The following NOVA1 variants were observed in gnomAD, a reference collection of about 807,000 sequenced individuals.
The protein encoded by NOVA1 is RNA-binding protein Nova-1.
Under a neutral mutation model 38.0 loss-of-function variants are expected in NOVA1, and 7 were observed. The ratio of observed to expected loss-of-function variants is 0.18; its 90% CI spans 0.10 to 0.35. The LOEUF (loss-of-function observed/expected upper bound fraction) is 0.35. Ranked by LOEUF, NOVA1 falls within the 10% of genes least tolerant of loss-of-function variation. NOVA1 has a pLI of 1.00. For synonymous variants in NOVA1, 270 were observed against 232.5 expected (o/e 1.16, Z -1.47); for missense variants, 460 against 616.0 (o/e 0.75, Z 2.68).
At chr14:26,529,049 C>T (rs929795443) in intron 2 of NOVA1, among the ~76,000 whole-genome samples, 4 of 151,942 alleles carry the variant, frequency 2.6e-5, no homozygotes, top group African/African-American at 4.8e-5. Flanking sequence ...CAAGTACACC[C>T]GATCACCCTA....
At chr14:26,546,916 G>T (rs376539591) in intron 2 of NOVA1, among the ~76,000 whole-genome samples, 2 of 152,272 alleles carry the variant, frequency 1.3e-5, no homozygotes, top group East Asian at 3.9e-4. Context: ...CTACTCAGGA[G>T]GCTGAGGCAG....
chr14:26,490,607 C>A (rs187638971), intron 2 of NOVA1, among the ~76,000 whole-genome samples: 1 of 152,280 alleles, frequency 6.6e-6, no homozygotes, highest in East Asian at 1.9e-4. Context: ...CATTTTTGCA[C>A]GTGCTTACTG....
intron 2 of NOVA1, among the ~76,000 whole-genome samples, chr14:26,546,799 C>T (rs1353343690): frequency 6.6e-6 from 1 of 152,148 alleles, no homozygotes; most frequent in Non-Finnish European, 1.5e-5. Context: ...ATGGGAGGAT[C>T]ACGAGGTCAG....
At chr14:26,462,515 TATTA>T (rs1440147977) in intron 4 of NOVA1, among the ~76,000 whole-genome samples, 1 of 151,922 alleles carries the variant, frequency 6.6e-6, no homozygotes, top group Non-Finnish European at 1.5e-5. Context: ...ATAATAGGTC[TATTA>T]ATTAAGAATC....
intron 2 of NOVA1, among the ~76,000 whole-genome samples, chr14:26,484,435 A>C: frequency 6.8e-6 from 1 of 147,628 alleles, no homozygotes; most frequent in Non-Finnish European, 1.5e-5. Flanking sequence ...CTCGAAAAAA[A>C]AAAAAAAAAA....
chr14:26,509,688 G>GT (rs905655250), intron 2 of NOVA1, among the ~76,000 whole-genome samples: 13 of 152,050 alleles, frequency 8.5e-5, no homozygotes, highest in Non-Finnish European at 1.8e-4. Context: ...TGCATATGGG[G>GT]TTTTTTCTTG....
At chr14:26,478,354 T>C (rs918487213) in intron 3 of NOVA1, among the ~76,000 whole-genome samples, 1 of 152,002 alleles carries the variant, frequency 6.6e-6, no homozygotes, top group Admixed American at 6.5e-5. Context: ...AATGGTATCA[T>C]ACTACTAAAT....
intron 2 of NOVA1, chr14:26,593,200 T>C (rs1450232928): frequency 6.6e-6 from 1 of 151,842 alleles, no homozygotes; most frequent in Non-Finnish European, 1.5e-5. Flanking sequence ...GTTTATAATT[T>C]AGCTCATCTG....
rs1881835795 is a variant in NOVA1, at chr14:26,443,399, G to A, written c.*4560C>T. 6.6e-6 allele frequency: 1 copy of A among 151,744 alleles called. No individual in the cohort carries two copies. Among genetic ancestry groups the A allele is most frequent in the Admixed American group, 6.6e-5 (1 of 15,218 alleles). 9.4% of individuals were successfully genotyped at this position (151,744 alleles called of 1,614,324 possible). On this transcript the variant is annotated 3_prime_UTR_variant, in exon 5 of 5. Coordinates refer to ENST00000539517, the MANE Select transcript of NOVA1 (RefSeq NM_002515.3). ...TAAACAATATTTTATTTACAAATCT[G>A]ATTTGATGTACTTTATTATACAAGG... is the stretch of plus-strand genomic sequence containing the variant.
chr14:26,532,499 T>TC (rs1448093135), intron 2 of NOVA1, among the ~76,000 whole-genome samples: 1 of 152,114 alleles, frequency 6.6e-6, no homozygotes, highest in African/African-American at 2.4e-5. Flanking sequence ...AGAAAACAGA[T>TC]CACTGATTGC....
At chr14:26,578,547 T>TAGTAAA (rs544172595) in intron 2 of NOVA1, among the ~76,000 whole-genome samples, 12 of 152,202 alleles carry the variant, frequency 7.9e-5, no homozygotes, top group Non-Finnish European at 1.8e-4. Context: ...TTTAACAAAA[T>TAGTAAA]AGTAAAAGTA....
intron 2 of NOVA1, among the ~76,000 whole-genome samples, chr14:26,583,988 G>T (rs1438110032): frequency 6.6e-6 from 1 of 150,704 alleles, no homozygotes; most frequent in Non-Finnish European, 1.5e-5. Flanking sequence ...TGCTAAGAAA[G>T]CAAGAAAGGC....
chr14:26,453,516 A>G (rs949311441), intron 4 of NOVA1, among the ~76,000 whole-genome samples: 2 of 152,206 alleles, frequency 1.3e-5, no homozygotes, highest in African/African-American at 4.8e-5. Flanking sequence ...GAAAAAAGTA[A>G]TAAATTTACA....
At chr14:26,456,417 T>A (rs946397731) in intron 4 of NOVA1, among the ~76,000 whole-genome samples, 3 of 151,846 alleles carry the variant, frequency 2.0e-5, no homozygotes, top group African/African-American at 4.8e-5. Flanking sequence ...GTATTTAAAG[T>A]CACAGGAAGA....
At chr14:26,572,742 G>A (rs954805506) in intron 2 of NOVA1, among the ~76,000 whole-genome samples, 1 of 151,042 alleles carries the variant, frequency 6.6e-6, no homozygotes, top group African/African-American at 2.4e-5. Context: ...GTGTGTGTGT[G>A]TGTGTGTGTG....
intron 2 of NOVA1, among the ~76,000 whole-genome samples, chr14:26,483,988 T>G (rs1174746566): frequency 3.9e-5 from 6 of 152,162 alleles, no homozygotes; most frequent in African/African-American, 1.4e-4. Context: ...TTACAGAAAG[T>G]GTCATTTTTT....
chr14:26,592,769 T>G (rs1893935947), intron 2 of NOVA1: 1 of 151,736 alleles, frequency 6.6e-6, no homozygotes. Context: ...GAAATTATAT[T>G]GGCTATAATT....
chr14:26,566,614 A>G lies in NOVA1; in HGVS notation c.280+28796T>C, dbSNP rs374063231. Among the ~76,000 whole-genome samples, 24 of 152,232 alleles carry G rather than the reference A, an allele frequency of 1.6e-4. 1 individual carries two copies. In the South Asian group the frequency reaches 3.9e-3, roughly 25 times the overall value. ...CATCTATTAGCCTACCTCTCAACTA[A>G]TAAGGCGATAAATCCCATAATATGG... On this transcript the variant is annotated intron_variant, in intron 2 of 4. Coordinates refer to ENST00000539517, the MANE Select transcript of NOVA1 (RefSeq NM_002515.3).
chr14:26,539,644 TAATC>T (rs1187353447), intron 2 of NOVA1, among the ~76,000 whole-genome samples: 3 of 152,116 alleles, frequency 2.0e-5, no homozygotes, highest in African/African-American at 4.8e-5. Context: ...AGGATTATAT[TAATC>T]AAAGCATTCA....
Sources: gnomAD v4.1 joint callset for allele counts (sites outside exome capture counted in the v4.1 genomes callset) on GRCh38, gnomAD v4.1.1 for gene constraint, MANE v1.5 for transcripts, NCBI Gene and HGNC (gene_info 2026-07-23, HGNC 2026-07-21) for gene names.